Variants in PDXK observed in about 807,000 individuals in gnomAD.
PDXK encodes epididymis secretory sperm binding protein Li 1a.
In PDXK, 15 loss-of-function variants were observed where a neutral mutation model predicts 43.2. The observed-to-expected ratio is 0.35, with a 90% CI of 0.23 to 0.53. The LOEUF is 0.53. Ranked by LOEUF, PDXK falls within the 20% of genes least tolerant of loss-of-function variation. The pLI is 0.92. For synonymous variants in PDXK, 172 were observed against 165.4 expected (o/e 1.04, Z -0.31); for missense variants, 343 against 417.0 (o/e 0.82, Z 1.54).
chr21:43,753,101 T>C (rs1485964714), intron 8 of PDXK, among the ~76,000 whole-genome samples: 2 of 152,092 alleles, frequency 1.3e-5, no homozygotes, highest in African/African-American at 4.8e-5. Context: ...GGCACACACA[T>C]AGGCACAAAT....
intron 2 of PDXK, chr21:43,736,904 G>C: frequency 1.4e-6 from 1 of 699,652 alleles, no homozygotes; most frequent in Non-Finnish European, 2.6e-6. Context: ...AAAGTGCTGG[G>C]ATTACAGGTG....
intron 2 of PDXK, among the ~76,000 whole-genome samples, chr21:43,736,117 T>G (rs1010704933): frequency 1.3e-5 from 2 of 152,188 alleles, no homozygotes; most frequent in Non-Finnish European, 2.9e-5. Flanking sequence ...TTTGAGTTTT[T>G]TTGTTGTTGT....
intron 1 of PDXK, among the ~76,000 whole-genome samples, chr21:43,727,391 C>A (rs556757729): frequency 6.6e-6 from 1 of 152,192 alleles, no homozygotes; most frequent in Admixed American, 6.5e-5. Flanking sequence ...AGAGCAGCCG[C>A]CTTGTGCCCA....
rs1041582418 is a variant in PDXK at position 43,757,774 on chromosome 21, C to G, written c.*1711C>G. ...TGGCAGGCCCGTTGCAGCCCAGAGC[C>G]ACTGGTCCCTACAGGGCGCCGCCAC... On this transcript the variant is annotated 3_prime_UTR_variant, in exon 11 of 11. Coordinates refer to ENST00000291565, the MANE Select transcript of PDXK (RefSeq NM_003681.5). 6.6e-6 allele frequency: 1 copy of G among 152,198 alleles called. No individual in the cohort carries two copies. The highest frequency in any genetic ancestry group is 1.5e-5 in the Non-Finnish European group (1 of 68,054). 9.4% of individuals were successfully genotyped at this position (152,198 alleles called of 1,614,324 possible).
At position 43,734,201 on chromosome 21, in the gene PDXK, C is replaced by T. The variant is rs945931547; in HGVS notation, c.142+78C>T. 2.2e-6 allele frequency: 3 copies of T among 1,351,536 alleles called. No homozygotes were observed. Among genetic ancestry groups the T allele is most frequent in the South Asian group, 1.2e-5 (1 of 85,498 alleles). The allele number at this position is 1,351,536 out of a possible 1,614,324, so 83.7% of individuals were successfully genotyped here. The stretch of plus-strand genomic sequence containing the variant: ...CGGGGCGGAGTGTGGGTGTGAGGGA[C>T]GGGGCGGAGTGTGGGTGTGAGGGAC... On this transcript the variant is annotated intron_variant, in intron 2 of 10. Transcript: ENST00000291565. The surrounding 1 kb of genome is among the most constrained non-coding windows in gnomAD (Gnocchi z 5.0).
At chr21:43,748,597 A>C (rs1293445421) in intron 5 of PDXK, 2 of 169,780 alleles carry the variant, frequency 1.2e-5, no homozygotes, top group African/African-American at 4.7e-5. Flanking sequence ...TTGGGCTCCC[A>C]GTCGCAGATG....
rs2083844353 is a variant in PDXK, at chr21:43,756,020, A to G, written c.896A>G (p.Asp299Gly). ...LELRMVQSKR[D>G]IEDPEIVVQA... ...CTGCGGATGGTGCAGAGCAAAAGGGACATCGAGGACCCAGAGATCGTCGTC... is the reference window on the plus strand; with the variant it reads ...CTGCGGATGGTGCAGAGCAAAAGGGGCATCGAGGACCCAGAGATCGTCGTC... Residue 299 changes from aspartate (D) to glycine (G), a missense_variant, in exon 11 of 11, where the codon GAC (aspartate) becomes GGC (glycine). Coordinates refer to ENST00000291565, the MANE Select transcript of PDXK (RefSeq NM_003681.5). 2 of 1,613,194 alleles carry G rather than the reference A, an allele frequency of 1.2e-6. No homozygotes were observed. The highest frequency in any genetic ancestry group is 1.7e-5 in the Admixed American group (1 of 59,970).
chr21:43,745,091 C>T (rs927942177), intron 4 of PDXK, among the ~76,000 whole-genome samples: 5 of 152,110 alleles, frequency 3.3e-5, no homozygotes, highest in Admixed American at 1.3e-4. Flanking sequence ...GACGAAGGCT[C>T]GTCGCGGCTG....
chr21:43,741,923 C>T, intron 3 of PDXK, 152 bp downstream of exon 3: 1 of 651,952 alleles, frequency 1.5e-6, no homozygotes, highest in East Asian at 2.8e-5. Context: ...CCATCACACC[C>T]CCGGTAGCCT....
At chr21:43,750,714 TG>T (rs1392118157) in intron 7 of PDXK, among the ~76,000 whole-genome samples, 169 bp downstream of exon 7, 12 of 151,910 alleles carry the variant, frequency 7.9e-5, no homozygotes, top group Non-Finnish European at 5.9e-5. Context: ...TGTGTGTACA[TG>T]TGTGGACATG....
chr21:43,719,970 G>C lies in PDXK; in HGVS notation c.87+589G>C. The C allele has an allele frequency of 4.1e-6, 4 of 964,114 alleles. No homozygotes were observed. In the South Asian group the frequency reaches 1.9e-4, roughly 46 times the overall value. 59.7% of individuals were successfully genotyped at this position (964,114 alleles called of 1,614,324 possible). A position where few individuals can be genotyped will look rare whatever the true frequency, so the allele number is the denominator to read the frequency against. On this transcript the variant is annotated intron_variant, in intron 1 of 10. Coordinates refer to ENST00000291565, the MANE Select transcript of PDXK (RefSeq NM_003681.5). ...TGGCCGAAGGGAAGAGGGTGGGGCA[G>C]GGGCTGCTCTGCACCCTCTAGCAGA...
rs556757729 is a variant in PDXK at position 43,727,391 on chromosome 21, C to T, written c.88-6678C>T. Reference sequence around the variant, plus strand: ...TCCCTTCCTGCCCACAGAGCAGCCGCCTTGTGCCCATCTATTCCCCGGCTC... The same window carrying T: ...TCCCTTCCTGCCCACAGAGCAGCCGTCTTGTGCCCATCTATTCCCCGGCTC... On this transcript the variant is annotated intron_variant, in intron 1 of 10. Transcript: ENST00000291565. 1.9e-3 allele frequency among the ~76,000 whole-genome samples: 293 copies of T among 152,308 alleles called. 2 individuals are homozygous for T. The highest frequency in any genetic ancestry group is 6.7e-3 in the African/African-American group (279 of 41,574).
At chr21:43,747,650 G>A (rs950153842) in intron 5 of PDXK, among the ~76,000 whole-genome samples, 1 of 152,238 alleles carries the variant, frequency 6.6e-6, no homozygotes, top group African/African-American at 2.4e-5. Flanking sequence ...GTGCTCCCTG[G>A]TGTGGGCTCT....
chr21:43,741,578 C>A (rs761329800), intron 2 of PDXK, 89 bp from the exon 3 acceptor site: 4 of 1,568,406 alleles, frequency 2.6e-6, no homozygotes, highest in Non-Finnish European at 3.5e-6. Context: ...ACCAGGCAGC[C>A]TCAGGGAGAG....
At chr21:43,755,368 C>G (rs569129433) in intron 9 of PDXK, 1 of 323,454 alleles carries the variant, frequency 3.1e-6, no homozygotes, top group Non-Finnish European at 5.9e-6. Context: ...CTTGTAGACT[C>G]GTTATAAGGA....
chr21:43,735,328 CTG>C lies in PDXK; in HGVS notation c.142+1209_142+1210del, dbSNP rs2083384687. ...AGGGTGTTGAGTGTGTTTCTGGGGA[CTG>C]TGTTGGGCTCCGTCAGTGCTGGTTC... On this transcript the variant is annotated intron_variant, in intron 2 of 10. Coordinates refer to ENST00000291565, the MANE Select transcript of PDXK (RefSeq NM_003681.5). The surrounding 1 kb of genome is among the most constrained non-coding windows in gnomAD (Gnocchi z 5.3). Among the ~76,000 whole-genome samples, 1 of 152,212 alleles carries C rather than the reference CTG, an allele frequency of 6.6e-6. No homozygotes were observed. Among genetic ancestry groups the C allele is most frequent in the Non-Finnish European group, 1.5e-5 (1 of 68,030 alleles).
intron 3 of PDXK, among the ~76,000 whole-genome samples, chr21:43,742,034 G>C (rs910103320): frequency 6.6e-6 from 1 of 152,130 alleles, no homozygotes; most frequent in Non-Finnish European, 1.5e-5. Context: ...AGTGCCCAGG[G>C]GAGGGTGCAG....
At position 43,746,140 on chromosome 21, in the gene PDXK, G is replaced by A. The variant is rs768396841; in HGVS notation, c.378+15G>A. 6.3e-5 allele frequency: 101 copies of A among 1,605,244 alleles called. No individual in the cohort carries two copies. Among genetic ancestry groups the A allele is most frequent in the Middle Eastern group, 1.6e-4 (1 of 6,064 alleles). On this transcript the variant is annotated intron_variant, in intron 5 of 10. Transcript: ENST00000291565. ...AAGGCTCGATGGTGAGTAGTTTCAC[G>A]TGTGTGATTTAAAAGTGTGGTGAGT... is the stretch of plus-strand genomic sequence containing the variant.
chr21:43,733,622 G>A (rs2083356117), intron 1 of PDXK: 1 of 1,041,674 alleles, frequency 9.6e-7, no homozygotes. Flanking sequence ...CCCTTGGCCT[G>A]ACTTCTTCCA....
Sources: allele counts gnomAD v4.1 joint callset (sites outside exome capture counted in the v4.1 genomes callset), GRCh38; gene constraint gnomAD v4.1.1; non-coding constraint Gnocchi (gnomAD v3.1); transcripts MANE v1.5; gene names NCBI Gene and HGNC (gene_info 2026-07-23, HGNC 2026-07-21).